MALRD1: variants seen among roughly 807,000 people sequenced by gnomAD.
MALRD1 encodes MAM and LDL receptor class A domain containing 1, also known as MAM and LDL-receptor class A domain-containing protein 1.
A neutral mutation model predicts 242.1 loss-of-function variants in MALRD1; 247 were observed. The ratio of observed to expected loss-of-function variants is 1.02; its 90% confidence interval spans 0.92 to 1.13. The LOEUF (loss-of-function observed/expected upper bound fraction) is 1.13. Among genes scored for constraint, MALRD1 ranks in the 50% most tolerant of loss-of-function variants. MALRD1 has a pLI of 0.00. For synonymous variants in MALRD1, 995 were observed against 866.6 expected, an observed-to-expected ratio of 1.15 and a Z score of -2.60; for missense variants, 2,989 against 2,533.1, an observed-to-expected ratio of 1.18 and a Z score of -3.86.
rs1034285184 is a variant in MALRD1, at chr10:19,297,166, AATAAG to A, written c.3419+13988_3419+13992del. ...GTACTGTATTTCATGTGTTTTTGAG[AATAAG>A]ATGAGTTTTAAGTAAACAATAAAAT... On this transcript the variant is annotated intron_variant, in intron 21 of 39. Transcript: ENST00000454679. Among the ~76,000 whole-genome samples the A allele has an allele frequency of 8.3e-4, 125 of 151,090 alleles. 1 individual carries two copies. Among genetic ancestry groups the A allele is most frequent in the African/African-American group, 2.9e-3 (118 of 41,320 alleles).
intron 36 of MALRD1, among the ~76,000 whole-genome samples, chr10:19,691,834 A>ATAAATGTG (rs1478930971): frequency 2.0e-5 from 3 of 152,154 alleles, no homozygotes; most frequent in Non-Finnish European, 4.4e-5. Flanking sequence ...GTAATGAGAA[A>ATAAATGTG]TAAATGTGTT....
chr10:19,371,482 GTT>G (rs568351450), intron 26 of MALRD1, among the ~76,000 whole-genome samples: 6,188 of 151,666 alleles, frequency 0.041, 207 homozygotes, highest in African/African-American at 0.092. Context: ...TTTTTGTTTT[GTT>G]TTGTTTTGTT....
At chr10:19,431,779 A>G (rs1834139381) in intron 28 of MALRD1, among the ~76,000 whole-genome samples, 1 of 152,126 alleles carries the variant, frequency 6.6e-6, no homozygotes, top group Non-Finnish European at 1.5e-5. Flanking sequence ...GTTATGTCCA[A>G]TAATTTTGCC....
At chr10:19,373,203 C>CAAAAAAAAATAAAAAAAAAAAAAAAAAA (rs1845459030) in intron 26 of MALRD1, among the ~76,000 whole-genome samples, 1 of 114,886 alleles carries the variant, frequency 8.7e-6, no homozygotes, top group African/African-American at 3.4e-5. Context: ...ACGCTAAATA[C>CAAAAAAAAATAAAAAAAAAAAAAAAAAA]AAAAAAAAAA....
chr10:19,216,945 CAAAA>C (rs71200980), intron 18 of MALRD1, among the ~76,000 whole-genome samples: 3 of 107,910 alleles, frequency 2.8e-5, no homozygotes, highest in Admixed American at 1.0e-4. Flanking sequence ...GACTCCGTCT[CAAAA>C]AAAAAAAAAT....
At chr10:19,222,200 A>G (rs1198252084) in intron 18 of MALRD1, among the ~76,000 whole-genome samples, 1 of 151,690 alleles carries the variant, frequency 6.6e-6, no homozygotes, top group Non-Finnish European at 1.5e-5. Flanking sequence ...TTCCCCTGGA[A>G]GCACATATAC....
chr10:19,198,201 T>C (rs143051303), intron 14 of MALRD1, among the ~76,000 whole-genome samples: 2 of 152,298 alleles, frequency 1.3e-5, no homozygotes, highest in East Asian at 3.9e-4. Flanking sequence ...TAGCCTGCCA[T>C]TGTTTCATGG....
rs570568847 is a variant in MALRD1, at chr10:19,317,783, T to A, written c.3420-6166T>A. ...TACTTAATCTGTGTGATAGTAAGAG[T>A]TTAGAAACTGATTATCCTGTAAGAC... On this transcript the variant is annotated intron_variant, in intron 21 of 39. Transcript: ENST00000454679. Among the ~76,000 whole-genome samples, 14 of 152,120 alleles carry A rather than the reference T, an allele frequency of 9.2e-5. No individual in the cohort carries two copies. In the South Asian group the frequency reaches 1.9e-3, roughly 20 times the overall value.
At chr10:19,079,667 T>C (rs1352960969) in intron 2 of MALRD1, among the ~76,000 whole-genome samples, 1 of 151,946 alleles carries the variant, frequency 6.6e-6, no homozygotes, top group Non-Finnish European at 1.5e-5. Context: ...TGTTTTTACG[T>C]GCAGAGATGT....
intron 36 of MALRD1, among the ~76,000 whole-genome samples, chr10:19,664,828 T>A (rs989356920): frequency 6.6e-6 from 1 of 152,116 alleles, no homozygotes; most frequent in African/African-American, 2.4e-5. Context: ...TTGTTAACCA[T>A]TGGAATGCTT....
At chr10:19,093,874 C>CT (rs1835915202) in intron 4 of MALRD1, among the ~76,000 whole-genome samples, 1 of 93,698 alleles carries the variant, frequency 1.1e-5, no homozygotes, top group African/African-American at 4.4e-5. Flanking sequence ...TGTGCCCCTG[C>CT]TGGGGGGGTG....
intron 26 of MALRD1, among the ~76,000 whole-genome samples, chr10:19,384,563 G>T (rs1845989649): frequency 2.6e-5 from 3 of 116,476 alleles, no homozygotes; most frequent in East Asian, 2.2e-4. Flanking sequence ...ATATTATATA[G>T]TGTATATAAT....
chr10:19,512,903 G>A (rs1002291339), intron 31 of MALRD1, among the ~76,000 whole-genome samples: 6 of 151,972 alleles, frequency 3.9e-5, no homozygotes, highest in African/African-American at 1.2e-4. Context: ...GAAGATTTAA[G>A]GACTCAGGAA....
At chr10:19,227,755 A>C (rs374379616) in intron 18 of MALRD1, among the ~76,000 whole-genome samples, 1 of 152,176 alleles carries the variant, frequency 6.6e-6, no homozygotes, top group African/African-American at 2.4e-5. Flanking sequence ...AAACTAAATA[A>C]CAAAACACAG....
chr10:19,538,006 A>C (rs1489997700), intron 32 of MALRD1, among the ~76,000 whole-genome samples: 1 of 152,218 alleles, frequency 6.6e-6, no homozygotes, highest in East Asian at 1.9e-4. Context: ...CAGGACTTAG[A>C]TCTTCACTGA....
chr10:19,656,671 C>A (rs998647029), intron 36 of MALRD1, among the ~76,000 whole-genome samples: 2 of 151,974 alleles, frequency 1.3e-5, no homozygotes, highest in Admixed American at 1.3e-4. Flanking sequence ...CCAATAGATA[C>A]AAATTTGGCA....
At chr10:19,405,377 G>A (rs190728751) in intron 28 of MALRD1, among the ~76,000 whole-genome samples, 3 of 152,218 alleles carry the variant, frequency 2.0e-5, no homozygotes, top group Admixed American at 1.3e-4. Context: ...ACTGTGCACT[G>A]CTTCTCAGCA....
intron 5 of MALRD1, among the ~76,000 whole-genome samples, chr10:19,116,549 T>C (rs575442508): frequency 2.0e-4 from 30 of 152,314 alleles, no homozygotes; most frequent in East Asian, 1.5e-3. Flanking sequence ...ATTATAACTT[T>C]TACCACAATG....
chr10:19,375,512 G>T (rs967244276), intron 26 of MALRD1, among the ~76,000 whole-genome samples: 4 of 152,010 alleles, frequency 2.6e-5, no homozygotes, highest in Non-Finnish European at 5.9e-5. Flanking sequence ...CACCTGCAAG[G>T]CCCTGGATAA....
Sources: allele counts gnomAD v4.1 joint callset (sites outside exome capture counted in the v4.1 genomes callset), GRCh38; gene constraint gnomAD v4.1.1; transcripts MANE v1.5; gene names NCBI Gene and HGNC (gene_info 2026-07-23, HGNC 2026-07-21).